Variants in FOXRED2 observed in about 807,000 individuals in gnomAD.
FOXRED2 encodes FAD-dependent oxidoreductase domain-containing protein 2.
FOXRED2 carries 32 observed loss-of-function variants against 52.5 expected under a neutral mutation model. The observed-to-expected ratio is 0.61, with a 90% CI of 0.46 to 0.82. The LOEUF (loss-of-function observed/expected upper bound fraction) is 0.82. Among genes scored for constraint, FOXRED2 ranks in the 40% least tolerant of loss-of-function variants. FOXRED2 has a pLI of 0.00. For missense variants in FOXRED2, 848 were observed against 937.5 expected (o/e 0.90, Z 1.25); for synonymous variants, 405 against 398.1 (o/e 1.02, Z -0.21).
Position 36,505,881 on chromosome 22 carries a change from TG to T in FOXRED2, c.527+14del. The T allele has an allele frequency of 6.2e-7, 1 of 1,601,286 alleles. No homozygotes were observed. Among genetic ancestry groups the T allele is most frequent in the Non-Finnish European group, 8.6e-7 (1 of 1,169,250 alleles). The stretch of plus-strand genomic sequence containing the variant: ...GGTCCCAGCTTCCGCAGGTGAGCTC[TG>T]GCACCGGCCTTACCTGCACTGATGC... On this transcript the variant is annotated intron_variant, in intron 2 of 8. Transcript: ENST00000397224.
chr22:36,502,489 A>C (rs1272247712), intron 4 of FOXRED2, among the ~76,000 whole-genome samples: 1 of 152,208 alleles, frequency 6.6e-6, no homozygotes, highest in African/African-American at 2.4e-5. Context: ...TTATTTTAAG[A>C]GATAGGGTCT....
Position 36,496,016 on chromosome 22 carries a change from C to T in FOXRED2, c.1575G>A (p.Gln525=), listed in dbSNP as rs922097718. 5 of 1,614,154 alleles carry T rather than the reference C, an allele frequency of 3.1e-6. No homozygotes were observed. The highest frequency in any genetic ancestry group is 4.2e-6 in the Non-Finnish European group (5 of 1,180,058). ...RSVGHTEDAW[Q]SNFLHPVIYY... is the part of the protein sequence containing the mutation. ...AGATGACAGGATGAAGAAAGTTAGA[C>T]TGCCAGGCATCTTCTGTGTGCCCCA... The change falls in exon 7 of 9, where the codon CAG becomes CAA. Residue 525 remains glutamine, a synonymous_variant. Transcript: ENST00000397224.
chr22:36,490,074 T>A lies in FOXRED2; in HGVS notation c.1989A>T (p.Pro663=). The A allele has an allele frequency of 1.2e-6, 2 of 1,613,474 alleles. No homozygotes were observed. Among genetic ancestry groups the A allele is most frequent in the Non-Finnish European group, 1.7e-6 (2 of 1,179,570 alleles). The change falls in exon 9 of 9, where the codon CCA becomes CCT. Residue 663 remains proline, a synonymous_variant. Coordinates refer to ENST00000397224, the MANE Select transcript of FOXRED2 (RefSeq NM_001102371.2). ...GCCCTGGAGCCAGGGGGGAACCTAG[T>A]GGCTCTTGGTCGCCAAGCTGCTGGC... ...DSSQQLGDQE[P]LGSPLAPGPL...
rs1278970460 is a variant in FOXRED2, at chr22:36,489,752, A to AACTGGGCTGGGGAAGGCAGCTCCC, written c.*232_*255dup. On this transcript the variant is annotated 3_prime_UTR_variant, in exon 9 of 9. Coordinates refer to ENST00000397224, the MANE Select transcript of FOXRED2 (RefSeq NM_001102371.2). ...CTCAGCGACAGCTCCATTGCAGACAAACTGGGCTGGGGAAGGCAGCTCCCA... is the reference window on the plus strand; with the variant it reads ...CTCAGCGACAGCTCCATTGCAGACAAACTGGGCTGGGGAAGGCAGCTCCCACTGGGCTGGGGAAGGCAGCTCCCA... 2.4e-6 allele frequency: 1 copy of AACTGGGCTGGGGAAGGCAGCTCCC among 413,786 alleles called. No homozygotes were observed. Among genetic ancestry groups the AACTGGGCTGGGGAAGGCAGCTCCC allele is most frequent in the African/African-American group, 2.0e-5 (1 of 49,084 alleles). The allele number at this position is 413,786 out of a possible 1,614,324, so 25.6% of individuals were successfully genotyped here. A position where few individuals can be genotyped will look rare whatever the true frequency, so the allele number is the denominator to read the frequency against.
At chr22:36,502,995 CT>C (rs35883124) in intron 4 of FOXRED2, among the ~76,000 whole-genome samples, 10 of 147,406 alleles carry the variant, frequency 6.8e-5, no homozygotes, top group East Asian at 4.1e-4. Flanking sequence ...CCAGCCATCT[CT>C]TTTTTTTTTT....
In FOXRED2 at chr22:36,504,524, C is replaced by T. The variant is rs1237730711; in HGVS notation, c.770G>A (p.Gly257Glu). 1 of 1,614,084 alleles carries T rather than the reference C, an allele frequency of 6.2e-7. No homozygotes were observed. The highest frequency in any genetic ancestry group is 1.3e-5 in the African/African-American group (1 of 75,024). The change falls in exon 3 of 9, where the codon GGA (glycine) becomes GAA (glutamate). Residue 257 changes from glycine to glutamate, a missense_variant. Physicochemically the swap from Gly to Glu is moderately conservative, Grantham distance 98. Coordinates refer to ENST00000397224, the MANE Select transcript of FOXRED2 (RefSeq NM_001102371.2). ...VRLSWATHYV[G>E]DLRAINNGLL... is the part of the protein sequence containing the mutation. ...CGGGGATGTGGCCTACCTGAGGTCT[C>T]CAACGTAGTGGGTGGCCCAGGACAG...
In FOXRED2 at chr22:36,501,233, G is replaced by T. The variant is rs1430136273; in HGVS notation, c.1216+8C>A. On this transcript the variant is annotated splice_region_variant and intron_variant, in intron 5 of 8. Transcript: ENST00000397224. The stretch of plus-strand genomic sequence containing the variant: ...TGGGGACAGTTCTGCCTTCTCAGCT[G>T]GGCTCACCTGTGTATCGGAATCCGT... 1 of 1,613,554 alleles carries T rather than the reference G, an allele frequency of 6.2e-7. No individual in the cohort carries two copies. The highest frequency in any genetic ancestry group is 1.7e-5 in the Admixed American group (1 of 59,992).
intron 7 of FOXRED2, 49 bp from the exon 8 acceptor site, chr22:36,493,852 C>T (rs1373773548): frequency 4.5e-6 from 7 of 1,563,722 alleles, no homozygotes; most frequent in Non-Finnish European, 5.3e-6. Context: ...GGCTGGGCTT[C>T]CCCTCCTCGG....
rs765269287 is a variant in FOXRED2, at chr22:36,504,373, C to T, written c.780-6G>A. The T allele has an allele frequency of 6.2e-7, 1 of 1,613,442 alleles. No individual in the cohort carries two copies. Among genetic ancestry groups the T allele is most frequent in the South Asian group, 1.1e-5 (1 of 91,050 alleles). On this transcript the variant is annotated splice_region_variant and splice_polypyrimidine_tract_variant and intron_variant, in intron 3 of 8. Coordinates refer to ENST00000397224, the MANE Select transcript of FOXRED2 (RefSeq NM_001102371.2). Reference sequence around the variant, plus strand: ...GCAGGCCATTGTTGATGGCTCTGAGCCCACAGAGAATGCAGGGGAGAGAGA... The same window carrying T: ...GCAGGCCATTGTTGATGGCTCTGAGTCCACAGAGAATGCAGGGGAGAGAGA...
intron 5 of FOXRED2, among the ~76,000 whole-genome samples, chr22:36,499,850 G>A (rs1338852056): frequency 6.6e-6 from 1 of 152,022 alleles, no homozygotes; most frequent in African/African-American, 2.4e-5. Context: ...TGCCCAGGCT[G>A]GAGTGCAATG....
rs533419889 is a variant in FOXRED2, at chr22:36,503,320, T to C, written c.1049+778A>G. ...CCTCTGCACACATTCTTCTTTCTTT[T>C]TTTTTTTTTTTGAGATAAGAGTCTC... On this transcript the variant is annotated intron_variant, in intron 4 of 8. Coordinates refer to ENST00000397224, the MANE Select transcript of FOXRED2 (RefSeq NM_001102371.2). 2.2e-4 allele frequency among the ~76,000 whole-genome samples: 33 copies of C among 150,176 alleles called. No homozygotes were observed. In the South Asian group the frequency reaches 6.7e-3, roughly 30 times the overall value.
rs1307972136 is a variant in FOXRED2 at position 36,506,408 on chromosome 22, A to G, written c.15T>C (p.Ala5=). The change falls in exon 2 of 9, where the codon GCT becomes GCC. Residue 5 remains alanine (A), a synonymous_variant. Coordinates refer to ENST00000397224, the MANE Select transcript of FOXRED2 (RefSeq NM_001102371.2). ...CCGGGGGACCCCACAACGGGGCCGC[A>G]GCGGAGAGGCCCATCCTGCAGCAGA... MGLS[A]AAPLWGPPGL... 1 of 1,436,824 alleles carries G rather than the reference A, an allele frequency of 7.0e-7. No homozygotes were observed. Among genetic ancestry groups the G allele is most frequent in the Non-Finnish European group, 9.1e-7 (1 of 1,100,640 alleles). The allele number at this position is 1,436,824 out of a possible 1,614,324, so 89.0% of individuals were successfully genotyped here.
At chr22:36,493,370 C>T (rs1370934935) in intron 8 of FOXRED2, among the ~76,000 whole-genome samples, 5 of 150,572 alleles carry the variant, frequency 3.3e-5, no homozygotes, top group East Asian at 1.9e-4. Flanking sequence ...ACCCGGGAGG[C>T]GGAGGTTGTA....
In FOXRED2 at chr22:36,488,091, CAAAAAAAAA is replaced by C. The variant is rs59128956; in HGVS notation, c.*1908_*1916del. On this transcript the variant is annotated 3_prime_UTR_variant, in exon 9 of 9. Transcript: ENST00000397224. The stretch of plus-strand genomic sequence containing the variant: ...TGGGTGACAAGAGCGAAATCCATTG[CAAAAAAAAA>C]AAAAAAGAAAAAGAAAAAGTCTGGA... The C allele has an allele frequency of 8.0e-6, 1 of 125,214 alleles. No homozygotes were observed. Among genetic ancestry groups the C allele is most frequent in the South Asian group, 2.7e-4 (1 of 3,722 alleles). 7.8% of individuals were successfully genotyped at this position (125,214 alleles called of 1,614,324 possible).
Position 36,497,971 on chromosome 22 carries a change from G to T in FOXRED2, c.1382+20C>A. 6.2e-7 allele frequency: 1 copy of T among 1,608,904 alleles called. No homozygotes were observed. Among genetic ancestry groups the T allele is most frequent in the East Asian group, 2.2e-5 (1 of 44,780 alleles). On this transcript the variant is annotated intron_variant, in intron 6 of 8. Coordinates refer to ENST00000397224, the MANE Select transcript of FOXRED2 (RefSeq NM_001102371.2). ...GGGAAAGCTGGGCCGAGGGGAGTAG[G>T]GTGGGGACGGGCTACTCACTCCTTC...
At position 36,506,374 on chromosome 22, in the gene FOXRED2, G is replaced by C; in HGVS notation, c.49C>G (p.Leu17Val). ...AGCGCTGGGTGCAGGGCGATGGCCA[G>C]GAGCAGCCCCGGGGGACCCCACAAC... Reference protein sequence around the residue: ...APLWGPPGLLLAIALHPALSV... With the variant: ...APLWGPPGLLVAIALHPALSV... Residue 17 changes from leucine to valine, a missense_variant, in exon 2 of 9, where the codon CTG becomes GTG. Transcript: ENST00000397224. 1.4e-6 allele frequency: 2 copies of C among 1,447,246 alleles called. No homozygotes were observed. Among genetic ancestry groups the C allele is most frequent in the Non-Finnish European group, 1.8e-6 (2 of 1,105,064 alleles). 89.7% of individuals were successfully genotyped at this position (1,447,246 alleles called of 1,614,324 possible).
intron 5 of FOXRED2, 101 bp from the exon 6 acceptor site, chr22:36,498,257 C>T: frequency 2.9e-6 from 4 of 1,381,342 alleles, no homozygotes; most frequent in Admixed American, 2.2e-5. Flanking sequence ...GAACGCCATA[C>T]ACACTGGTCT....
rs779360357 is a variant in FOXRED2, at chr22:36,506,354, T to C, written c.69A>G (p.Pro23=). Residue 23 remains proline (P), a synonymous_variant, in exon 2 of 9, where the codon CCA becomes CCG. Transcript: ENST00000397224. ...CCCGGCGCGGGGGCACCGACAGCGC[T>C]GGGTGCAGGGCGATGGCCAGGAGCA... ...PGLLLAIALH[P]ALSVPPRRDY... 1 of 1,477,528 alleles carries C rather than the reference T, an allele frequency of 6.8e-7. No homozygotes were observed. The highest frequency in any genetic ancestry group is 9.0e-7 in the Non-Finnish European group (1 of 1,117,268). The allele number at this position is 1,477,528 out of a possible 1,614,324, so 91.5% of individuals were successfully genotyped here.
chr22:36,506,487 G>A, intron 1 of FOXRED2, 64 bp from the exon 2 acceptor site: 1 of 1,386,362 alleles, frequency 7.2e-7, no homozygotes, highest in East Asian at 2.6e-5. Context: ...ACGAGGCCCA[G>A]AAAGAGGCGG....
Sources: allele counts gnomAD v4.1 joint callset (sites outside exome capture counted in the v4.1 genomes callset), GRCh38; gene constraint gnomAD v4.1.1; transcripts MANE v1.5; gene names NCBI Gene and HGNC (gene_info 2026-07-23, HGNC 2026-07-21).